WWP2: variants seen among roughly 807,000 people sequenced by gnomAD.
WWP2 encodes the protein NEDD4-like E3 ubiquitin-protein ligase WWP2.
Under a neutral mutation model 121.0 loss-of-function variants are expected in WWP2, and 57 were observed. The observed-to-expected ratio is 0.47, with a 90% CI of 0.38 to 0.59. The LOEUF (loss-of-function observed/expected upper bound fraction) is 0.59. Ranked by LOEUF, WWP2 falls within the 20% of genes least tolerant of loss-of-function variation. The probability of loss-of-function intolerance (pLI) is 0.00; values close to 1 mark genes in which losing one functional copy is unlikely to be tolerated. For missense variants in WWP2, 962 were observed against 1,158.9 expected (o/e 0.83, Z 2.47); for synonymous variants, 449 against 441.3 (o/e 1.02, Z -0.22).
chr16:69,767,014 A>G (rs960362200), intron 1 of WWP2, among the ~76,000 whole-genome samples: 21 of 151,608 alleles, frequency 1.4e-4, no homozygotes, highest in African/African-American at 5.1e-4. Flanking sequence ...TCGGCCTCCC[A>G]AAGTACTGGA....
intron 9 of WWP2, among the ~76,000 whole-genome samples, chr16:69,912,996 T>TATA (rs2058422357): frequency 5.6e-4 from 1 of 1,796 alleles, no homozygotes; most frequent in Non-Finnish European, 9.2e-4. Flanking sequence ...ATATATATAT[T>TATA]TTTTTTTTTT....
intron 6 of WWP2, among the ~76,000 whole-genome samples, chr16:69,848,481 A>G (rs1164840578): frequency 6.7e-6 from 1 of 150,010 alleles, no homozygotes; most frequent in Admixed American, 6.6e-5. Flanking sequence ...CAAGAAGCGA[A>G]GTGTCAATAG....
At chr16:69,899,349 A>T (rs2058160789) in intron 8 of WWP2, among the ~76,000 whole-genome samples, 1 of 152,206 alleles carries the variant, frequency 6.6e-6, no homozygotes, top group Admixed American at 6.5e-5. Flanking sequence ...CATCTCAGCA[A>T]CAACAACAAC....
At chr16:69,883,798 G>C (rs1378825119) in intron 7 of WWP2, among the ~76,000 whole-genome samples, 1 of 152,088 alleles carries the variant, frequency 6.6e-6, no homozygotes, top group Non-Finnish European at 1.5e-5. Context: ...GAGGCTCTTG[G>C]TTAGGCCTGT....
At position 69,935,114 on chromosome 16, in the gene WWP2, G is replaced by A. The variant is rs982638951; in HGVS notation, c.1843-739G>A. On this transcript the variant is annotated intron_variant, in intron 17 of 23. Coordinates refer to ENST00000359154, the MANE Select transcript of WWP2 (RefSeq NM_001270454.2). This position sits in a 1 kb window ranked among gnomAD's most constrained non-coding sequence, Gnocchi z 5.2. ...GAACCCGGATTGAGAAGCGGAGCCC[G>A]TGGGAGGCACAGCGCGGGAGCCACA... Among the ~76,000 whole-genome samples the A allele has an allele frequency of 1.3e-5, 2 of 152,202 alleles. No individual in the cohort carries two copies. The highest frequency in any genetic ancestry group is 2.1e-4 in the South Asian group (1 of 4,838).
chr16:69,861,012 G>A (rs1057135659), intron 6 of WWP2, among the ~76,000 whole-genome samples: 19 of 152,290 alleles, frequency 1.2e-4, no homozygotes, highest in Non-Finnish European at 2.6e-4. Flanking sequence ...CTTTTCTGGC[G>A]CACCTGTACA....
At chr16:69,825,320 A>G (rs1001176878) in intron 4 of WWP2, among the ~76,000 whole-genome samples, 1 of 151,298 alleles carries the variant, frequency 6.6e-6, no homozygotes, top group Non-Finnish European at 1.5e-5. Context: ...GCTACTCAGG[A>G]GGCTGAGGCA....
intron 23 of WWP2, 116 bp from the exon 24 acceptor site, chr16:69,939,725 C>A: frequency 2.1e-6 from 2 of 952,166 alleles, no homozygotes; most frequent in South Asian, 3.3e-5. Flanking sequence ...ACTGGCAGCC[C>A]CTGAGCCCTA....
intron 8 of WWP2, among the ~76,000 whole-genome samples, chr16:69,888,715 T>G (rs1023772189): frequency 6.6e-6 from 1 of 152,136 alleles, no homozygotes; most frequent in Non-Finnish European, 1.5e-5. Context: ...CATCCTTTTT[T>G]TTTTTTAGAG....
intron 6 of WWP2, among the ~76,000 whole-genome samples, chr16:69,851,909 G>A (rs908097912): frequency 2.0e-5 from 3 of 152,150 alleles, no homozygotes; most frequent in African/African-American, 7.2e-5. Flanking sequence ...CTTAAATCTG[G>A]GGGGTGGAGT....
intron 7 of WWP2, 65 bp from the exon 8 acceptor site, chr16:69,887,974 C>A: frequency 6.3e-7 from 1 of 1,578,502 alleles, no homozygotes; most frequent in Non-Finnish European, 8.7e-7. Flanking sequence ...AGTGAAAAAC[C>A]TAGCAAGTAT....
chr16:69,840,186 G>A lies in WWP2; in HGVS notation c.401G>A (p.Gly134Asp). 6.2e-7 allele frequency: 1 copy of A among 1,614,246 alleles called. No homozygotes were observed. The highest frequency in any genetic ancestry group is 8.5e-7 in the Non-Finnish European group (1 of 1,180,048). ...GAGAACAAAGGCAGCGTTGTCTCAG[G>A]CGGAGAGCTGACAATTTTCCTGGAC... is the stretch of plus-strand genomic sequence containing the variant. ...QTENKGSVVS[G>D]GELTIFLDGP... is the part of the protein sequence containing the mutation. The change falls in exon 5 of 24, where the codon GGC (glycine) becomes GAC (aspartate). Residue 134 changes from glycine (G) to aspartate (D), a missense_variant. Physicochemically the swap from Gly to Asp is moderately conservative, Grantham distance 94. Transcript: ENST00000359154.
rs112918978 is a variant in WWP2 at position 69,879,936 on chromosome 16, G to T, written c.703+8005G>T. ...TTAGGCCTGTGCATTTAAAAAATGT[G>T]TATAATTTCGGTTTTTGCGTCAATA... On this transcript the variant is annotated intron_variant, in intron 7 of 23. Coordinates refer to ENST00000359154, the MANE Select transcript of WWP2 (RefSeq NM_001270454.2). 8.0e-3 allele frequency among the ~76,000 whole-genome samples: 1,216 copies of T among 151,854 alleles called. 17 individuals are homozygous for T. Among genetic ancestry groups the T allele is most frequent in the African/African-American group, 0.027 (1,105 of 41,458 alleles).
At chr16:69,924,272 A>G (rs1450518087) in intron 10 of WWP2, among the ~76,000 whole-genome samples, 3 of 151,978 alleles carry the variant, frequency 2.0e-5, no homozygotes, top group African/African-American at 7.3e-5. Flanking sequence ...AGTTCCACCA[A>G]TGTTTTCTCA....
At chr16:69,795,648 G>GTTTT (rs1567669884) in intron 2 of WWP2, among the ~76,000 whole-genome samples, 1 of 92,456 alleles carries the variant, frequency 1.1e-5, no homozygotes, top group African/African-American at 4.5e-5. Context: ...AAAAATAGGA[G>GTTTT]GTTTTTTTTT....
chr16:69,799,406 G>C lies in WWP2; in HGVS notation c.340+111G>C. ...CAGGACTAGGGGCTGCAGTACCTCT[G>C]TTCTCCTTGGATGCTGTCTTTGGAG... On this transcript the variant is annotated intron_variant, in intron 4 of 23. Coordinates refer to ENST00000359154, the MANE Select transcript of WWP2 (RefSeq NM_001270454.2). This position sits in a 1 kb window ranked among gnomAD's most constrained non-coding sequence, Gnocchi z 4.5. 7.0e-7 allele frequency: 1 copy of C among 1,418,938 alleles called. No individual in the cohort carries two copies. Among genetic ancestry groups the C allele is most frequent in the Non-Finnish European group, 9.4e-7 (1 of 1,065,368 alleles). The allele number at this position is 1,418,938 out of a possible 1,614,324, so 87.9% of individuals were successfully genotyped here.
intron 1 of WWP2, among the ~76,000 whole-genome samples, chr16:69,785,645 G>C (rs78985537): frequency 1.5e-5 from 2 of 136,310 alleles, no homozygotes; most frequent in African/African-American, 2.7e-5. Context: ...TTTTTTTTTC[G>C]AGACAGAGTC....
At chr16:69,795,656 T>G (rs1039366156) in intron 2 of WWP2, among the ~76,000 whole-genome samples, 3 of 129,420 alleles carry the variant, frequency 2.3e-5, no homozygotes, top group African/African-American at 8.9e-5. Context: ...GAGGTTTTTT[T>G]TTTTTTTTTT....
chr16:69,824,078 A>G (rs930813708), intron 4 of WWP2, among the ~76,000 whole-genome samples: 1 of 152,110 alleles, frequency 6.6e-6, no homozygotes, highest in African/African-American at 2.4e-5. Context: ...AAACTGAAAC[A>G]CTTCATCTGG....
Sources: allele counts gnomAD v4.1 joint callset (sites outside exome capture counted in the v4.1 genomes callset), GRCh38; gene constraint gnomAD v4.1.1; non-coding constraint Gnocchi (gnomAD v3.1); transcripts MANE v1.5; gene names NCBI Gene and HGNC (gene_info 2026-07-23, HGNC 2026-07-21).